ACOT11: variants seen among roughly 807,000 people sequenced by gnomAD.
The protein encoded by ACOT11 is acyl-CoA thioesterase 11, also known as acyl-coenzyme A thioesterase 11.
A neutral mutation model predicts 77.5 loss-of-function variants in ACOT11; 69 were observed. The observed-to-expected ratio is 0.89, with a 90% confidence interval of 0.73 to 1.09. The LOEUF (loss-of-function observed/expected upper bound fraction) is 1.09. Among genes scored for constraint, ACOT11 ranks in the 50% least tolerant of loss-of-function variants. The probability of loss-of-function intolerance (pLI) is 0.00; values close to 1 mark genes in which losing one functional copy is unlikely to be tolerated. For synonymous variants in ACOT11, 279 were observed against 313.0 expected, an observed-to-expected ratio of 0.89 and a Z score of 1.15; for missense variants, 766 against 813.7, an observed-to-expected ratio of 0.94 and a Z score of 0.71.
chr1:54,635,994 C>A (rs148508607), exon 17 of ACOT11: 6,338 of 152,290 alleles, frequency 0.042, 180 homozygotes, highest in Middle Eastern at 0.11. Flanking sequence ...AAAGCATGAG[C>A]GATCTGTGTC....
intron 1 of ACOT11, among the ~76,000 whole-genome samples, chr1:54,570,595 C>G (rs919407816): frequency 3.9e-5 from 6 of 152,034 alleles, no homozygotes; most frequent in African/African-American, 1.4e-4. Context: ...TCACTACAAC[C>G]TCCACCTCCT....
chr1:54,559,035 G>T (rs1342903950), intron 1 of ACOT11, among the ~76,000 whole-genome samples: 1 of 152,146 alleles, frequency 6.6e-6, no homozygotes, highest in Non-Finnish European at 1.5e-5. Flanking sequence ...CAGGGAGGTG[G>T]GTAAAAGGCT....
chr1:54,613,492 T>C (rs568196185), downstream of ACOT11, among the ~76,000 whole-genome samples: 3 of 152,264 alleles, frequency 2.0e-5, no homozygotes, highest in South Asian at 6.2e-4. Context: ...CTCGCTGTGT[T>C]GCCCAGGCTG....
intron 1 of ACOT11, among the ~76,000 whole-genome samples, chr1:54,562,610 T>G (rs1449887504): frequency 8.0e-6 from 1 of 124,388 alleles, no homozygotes; most frequent in African/African-American, 3.2e-5. Flanking sequence ...ACTTCTCAGA[T>G]GGGGCAGCTG....
chr1:54,594,486 G>T, intron 5 of ACOT11, 70 bp from the exon 6 acceptor site: 1 of 1,541,090 alleles, frequency 6.5e-7, no homozygotes, highest in South Asian at 1.3e-5. Flanking sequence ...GCATGGTGCT[G>T]GGGACAGGCC....
chr1:54,571,409 C>T (rs1653926780), intron 1 of ACOT11, among the ~76,000 whole-genome samples: 1 of 152,174 alleles, frequency 6.6e-6, no homozygotes, highest in Non-Finnish European at 1.5e-5. Flanking sequence ...ACTTTGCAGC[C>T]AGAGAGCTTG....
intron 1 of ACOT11, among the ~76,000 whole-genome samples, chr1:54,580,603 C>T (rs941566957): frequency 6.6e-6 from 1 of 152,202 alleles, no homozygotes; most frequent in Non-Finnish European, 1.5e-5. Context: ...TCAGACCTTC[C>T]TCCCACTGTG....
intron 16 of ACOT11, among the ~76,000 whole-genome samples, chr1:54,631,641 T>C (rs2101034097): frequency 6.6e-6 from 1 of 152,280 alleles, no homozygotes; most frequent in Admixed American, 6.5e-5. Context: ...TGCAGGATGA[T>C]GCCATGGAAC....
At chr1:54,582,371 T>A (rs12568175) in intron 1 of ACOT11, 25,722 of 880,952 alleles carry the variant, frequency 0.029, 611 homozygotes, top group East Asian at 0.18. Flanking sequence ...CCTTTGACGA[T>A]GTCCTCCTGT....
At chr1:54,568,114 C>G (rs902638086) in intron 1 of ACOT11, among the ~76,000 whole-genome samples, 1 of 152,130 alleles carries the variant, frequency 6.6e-6, no homozygotes, top group African/African-American at 2.4e-5. Context: ...TTTGCACTGT[C>G]TGTTCTCTTG....
chr1:54,600,040 A>G (rs1643944058), intron 8 of ACOT11, among the ~76,000 whole-genome samples: 1 of 152,146 alleles, frequency 6.6e-6, no homozygotes, highest in Non-Finnish European at 1.5e-5. Context: ...CACCTATAAA[A>G]TGGGGCTCAT....
At chr1:54,549,150 G>A (rs972033913) in intron 1 of ACOT11, among the ~76,000 whole-genome samples, 8 of 152,116 alleles carry the variant, frequency 5.3e-5, no homozygotes, top group Non-Finnish European at 1.5e-5. Context: ...ACCGGGCCCT[G>A]TGCATCTTGT....
At chr1:54,550,430 C>T (rs1326409193) in intron 1 of ACOT11, among the ~76,000 whole-genome samples, 1 of 152,164 alleles carries the variant, frequency 6.6e-6, no homozygotes, top group Non-Finnish European at 1.5e-5. Flanking sequence ...CTTGAATTCC[C>T]TTAGTTCCTC....
chr1:54,618,278 C>T (rs963845393), intron 15 of ACOT11, among the ~76,000 whole-genome samples: 5 of 152,210 alleles, frequency 3.3e-5, no homozygotes, highest in South Asian at 2.1e-4. Context: ...CCGAGAAGGG[C>T]GGATCACTTG....
Position 54,572,828 on chromosome 1 carries a change from T to C in ACOT11, c.34-11827T>C, listed in dbSNP as rs551876759. ...CTGCTTCTGGGAGCAAACAAGCTCA[T>C]GCTGGACAGCCACCAGAGGCAGTGT... On this transcript the variant is annotated intron_variant, in intron 1 of 15. Coordinates refer to ENST00000343744, the MANE Select transcript of ACOT11 (RefSeq NM_147161.4). Among the ~76,000 whole-genome samples the C allele has an allele frequency of 2.0e-3, 302 of 152,328 alleles. 1 individual carries two copies. Among genetic ancestry groups the C allele is most frequent in the African/African-American group, 6.9e-3 (289 of 41,590 alleles).
chr1:54,590,918 CTTAT>C, intron 3 of ACOT11, among the ~76,000 whole-genome samples: 1 of 152,046 alleles, frequency 6.6e-6, no homozygotes, highest in Non-Finnish European at 1.5e-5. Flanking sequence ...CCATGCTCAG[CTTAT>C]TTATTTATTT....
At chr1:54,636,523 A>T (rs1261925580) in exon 17 of ACOT11, 1 of 152,240 alleles carries the variant, frequency 6.6e-6, no homozygotes, top group Non-Finnish European at 1.5e-5. Context: ...AGATGGAAGT[A>T]TATTCCATGT....
At chr1:54,572,886 C>T (rs1224726984) in intron 1 of ACOT11, 1 of 977,056 alleles carries the variant, frequency 1.0e-6, no homozygotes, top group Non-Finnish European at 1.2e-6. Flanking sequence ...TGAGAGAGGC[C>T]TGTCTAGCTG....
intron 1 of ACOT11, among the ~76,000 whole-genome samples, chr1:54,566,239 T>C (rs1056232325): frequency 2.0e-5 from 3 of 152,104 alleles, no homozygotes; most frequent in African/African-American, 7.2e-5. Flanking sequence ...GGCGGATCAC[T>C]TGAAGTCAGG....
Sources: allele counts gnomAD v4.1 joint callset (sites outside exome capture counted in the v4.1 genomes callset), GRCh38; gene constraint gnomAD v4.1.1; transcripts MANE v1.5; gene names NCBI Gene and HGNC (gene_info 2026-07-23, HGNC 2026-07-21).